SYNE1: variants seen among roughly 807,000 people sequenced by gnomAD.
SYNE1 encodes the protein nesprin-1.
SYNE1 carries 616 observed loss-of-function variants against 1,111.0 expected under a neutral mutation model. The observed-to-expected ratio is 0.55, with a 90% CI of 0.52 to 0.59. The LOEUF is 0.59. Ranked by LOEUF, SYNE1 falls within the 20% of genes least tolerant of loss-of-function variation. The pLI, the probability that SYNE1 is intolerant of heterozygous loss-of-function variation, is 0.00. For missense variants in SYNE1, 10,006 were observed against 10,417.0 expected (o/e 0.96, Z 1.72); for synonymous variants, 3,855 against 3,825.8 (o/e 1.01, Z -0.28).
intron 128 of SYNE1, among the ~76,000 whole-genome samples, chr6:152,186,558 A>G (rs2070069382): frequency 1.7e-4 from 2 of 11,682 alleles, no homozygotes; most frequent in Non-Finnish European, 1.5e-4. Context: ...CTCTGTGTCA[A>G]AAAAAAAAAA....
chr6:152,437,010 A>G (rs553255435), intron 32 of SYNE1, among the ~76,000 whole-genome samples: 1 of 152,002 alleles, frequency 6.6e-6, no homozygotes, highest in Non-Finnish European at 1.5e-5. Flanking sequence ...CTAGGGAAAA[A>G]AAAAAAAGTG....
chr6:152,193,567 C>G (rs954984158), intron 127 of SYNE1, among the ~76,000 whole-genome samples: 9 of 152,112 alleles, frequency 5.9e-5, no homozygotes, highest in African/African-American at 2.2e-4. Flanking sequence ...ATCCACCCAC[C>G]TTGGCCTCCT....
intron 14 of SYNE1, chr6:152,480,894 C>T (rs762189007): frequency 1.7e-4 from 73 of 432,326 alleles, no homozygotes; most frequent in Non-Finnish European, 2.8e-4. Flanking sequence ...GGTTTCTATG[C>T]TTTGTTCACT....
intron 14 of SYNE1, chr6:152,474,516 A>G (rs183635456): frequency 3.9e-5 from 6 of 152,348 alleles, no homozygotes; most frequent in Admixed American, 3.3e-4. Context: ...AGAACCCTCA[A>G]TGAGGGCTAA....
chr6:152,487,525 G>T (rs930634327), intron 12 of SYNE1, among the ~76,000 whole-genome samples: 1 of 152,154 alleles, frequency 6.6e-6, no homozygotes, highest in African/African-American at 2.4e-5. Flanking sequence ...TGTGTTTTGT[G>T]TCTTGGAAGT....
intron 14 of SYNE1, chr6:152,480,658 T>C: frequency 4.9e-6 from 2 of 410,348 alleles, no homozygotes; most frequent in Non-Finnish European, 9.5e-6. Flanking sequence ...TAAGTACCCA[T>C]GCCCAGGCCT....
chr6:152,340,402 A>G (rs1331204046), intron 74 of SYNE1, among the ~76,000 whole-genome samples: 1 of 152,202 alleles, frequency 6.6e-6, no homozygotes, highest in Admixed American at 6.5e-5. Context: ...TCAACTCAGA[A>G]CTATTGACAG....
chr6:152,306,255 G>GT (rs2095368552), intron 91 of SYNE1, among the ~76,000 whole-genome samples: 1 of 152,192 alleles, frequency 6.6e-6, no homozygotes, highest in African/African-American at 2.4e-5. Flanking sequence ...GGAGGCCAAG[G>GT]TAGATGGATC....
At position 152,421,587 on chromosome 6, in the gene SYNE1, C is replaced by T. The variant is rs535612252; in HGVS notation, c.5268-1865G>A. Among the ~76,000 whole-genome samples, 230 of 152,130 alleles carry T rather than the reference C, an allele frequency of 1.5e-3. 2 individuals carry two copies. Among genetic ancestry groups the T allele is most frequent in the Middle Eastern group, 6.8e-3 (2 of 294 alleles). On this transcript the variant is annotated intron_variant, in intron 39 of 145. Coordinates refer to ENST00000367255, the MANE Select transcript of SYNE1 (RefSeq NM_182961.4). ...TGTTTTTGAGTTTTTATTATGTTCCCATAATTTGGACTGAATCCTGAATTG... is the reference window on the plus strand; with the variant it reads ...TGTTTTTGAGTTTTTATTATGTTCCTATAATTTGGACTGAATCCTGAATTG...
chr6:152,600,301 G>A (rs1161907707), intron 3 of SYNE1, among the ~76,000 whole-genome samples: 1 of 152,132 alleles, frequency 6.6e-6, no homozygotes, highest in East Asian at 1.9e-4. Flanking sequence ...ACCTATGCAT[G>A]GCTTTCTTTT....
intron 3 of SYNE1, among the ~76,000 whole-genome samples, chr6:152,567,484 G>A (rs1280809112): frequency 1.3e-5 from 2 of 152,002 alleles, no homozygotes; most frequent in South Asian, 2.1e-4. Flanking sequence ...AGATAATTTG[G>A]ATGCTTCTAT....
chr6:152,417,248 C>T (rs904247525), intron 40 of SYNE1, among the ~76,000 whole-genome samples: 2 of 152,168 alleles, frequency 1.3e-5, no homozygotes, highest in East Asian at 3.9e-4. Flanking sequence ...CCTGTAATCC[C>T]AGCACTTTGG....
chr6:152,133,691 C>A, intron 142 of SYNE1: 1 of 606,538 alleles, frequency 1.6e-6, no homozygotes, highest in Non-Finnish European at 2.9e-6. Flanking sequence ...AGACCCCTGA[C>A]CGTCTCTGAT....
At chr6:152,172,089 A>G (rs1369647958) in intron 130 of SYNE1, among the ~76,000 whole-genome samples, 3 of 152,218 alleles carry the variant, frequency 2.0e-5, no homozygotes, top group African/African-American at 7.2e-5. Flanking sequence ...ATATTATATG[A>G]CCTATGTATA....
In SYNE1 at chr6:152,409,186, T is replaced by A. The variant is rs767966108; in HGVS notation, c.6422A>T (p.Asp2141Val). ...AKNKMNYKQKDLDNFTSKGKH... is the reference protein window; with the variant it reads ...AKNKMNYKQKVLDNFTSKGKH... ...TCCTTTGCTGGTAAAGTTATCCAAG[T>A]CTTTCTGTTTGTAATTCATTTTGTT... Residue 2141 changes from aspartate to valine, a missense_variant, in exon 44 of 146, where the codon GAC becomes GTC. Around this residue, in one of 7 missense-constraint regions of SYNE1, gnomAD observed 4,955 missense variants for 5,017.2 expected, o/e 0.99. Coordinates refer to ENST00000367255, the MANE Select transcript of SYNE1 (RefSeq NM_182961.4). 1 of 1,614,160 alleles carries A rather than the reference T, an allele frequency of 6.2e-7. No individual in the cohort carries two copies. The highest frequency in any genetic ancestry group is 8.5e-7 in the Non-Finnish European group (1 of 1,180,014).
chr6:152,404,011 A>T (rs2097856917), intron 46 of SYNE1, among the ~76,000 whole-genome samples: 1 of 151,642 alleles, frequency 6.6e-6, no homozygotes, highest in East Asian at 1.9e-4. Context: ...AAGGAGATAT[A>T]CATATATATG....
chr6:152,429,635 T>C (rs2098409704), intron 36 of SYNE1, among the ~76,000 whole-genome samples: 2 of 152,172 alleles, frequency 1.3e-5, no homozygotes, highest in Non-Finnish European at 2.9e-5. Context: ...TCCCCCTAAA[T>C]TCTGCCAGAG....
intron 139 of SYNE1, among the ~76,000 whole-genome samples, chr6:152,140,409 G>A (rs2058269681): frequency 6.6e-6 from 1 of 152,156 alleles, no homozygotes; most frequent in Admixed American, 6.5e-5. Flanking sequence ...ACTGTAAAGA[G>A]CTTTACGAAG....
Position 152,330,084 on chromosome 6 carries a change from C to G in SYNE1, c.14601G>C (p.Leu4867=), listed in dbSNP as rs2096210533. Residue 4867 remains leucine, a synonymous_variant, in exon 78 of 146, where the codon CTG becomes CTC. Transcript: ENST00000367255. The stretch of plus-strand genomic sequence containing the variant: ...CCGTCTCACCAATGGCAGAAGTCAA[C>G]AGTTTTAACTCCCCTTGCCAGGACT... ...QIQSWQGELK[L]LTSAIGETVT... is the part of the protein sequence containing the mutation. 2 of 1,614,158 alleles carry G rather than the reference C, an allele frequency of 1.2e-6. No individual in the cohort carries two copies. The highest frequency in any genetic ancestry group is 2.7e-5 in the African/African-American group (2 of 75,048).
Sources: gnomAD v4.1 joint callset for allele counts (sites outside exome capture counted in the v4.1 genomes callset) on GRCh38, gnomAD v4.1.1 for gene constraint, gnomAD v4.1.1 regional missense constraint, MANE v1.5 for transcripts, NCBI Gene and HGNC (gene_info 2026-07-23, HGNC 2026-07-21) for gene names.